NAALADL2: variants seen among roughly 807,000 people sequenced by gnomAD.
NAALADL2 encodes the protein N-acetylated alpha-linked acidic dipeptidase like 2.
In NAALADL2, 76 loss-of-function variants were observed where a neutral mutation model predicts 87.2. That is an observed-to-expected ratio of 0.87 (90% CI 0.72 to 1.05). The LOEUF (loss-of-function observed/expected upper bound fraction) is 1.05. NAALADL2 is among the 50% of genes least tolerant of loss of function. The pLI, the probability that NAALADL2 is intolerant of heterozygous loss-of-function variation, is 0.00. For missense variants in NAALADL2, 1,089 were observed against 945.8 expected, an observed-to-expected ratio of 1.15 and a Z score of -1.99; for synonymous variants, 354 against 331.0, an observed-to-expected ratio of 1.07 and a Z score of -0.75.
chr3:174,983,146 A>G (rs867922783), intron 1 of NAALADL2, among the ~76,000 whole-genome samples: 3 of 152,204 alleles, frequency 2.0e-5, no homozygotes, highest in African/African-American at 7.2e-5. Flanking sequence ...CCACCATCCT[A>G]CACAGGGTCA....
chr3:174,722,641 G>T (rs9847764), intron 2 of NAALADL2, among the ~76,000 whole-genome samples: 6,982 of 152,268 alleles, frequency 0.046, 279 homozygotes, highest in African/African-American at 0.11. Flanking sequence ...GGCGGAGGTT[G>T]CAGTGAGCCG....
intron 1 of NAALADL2, among the ~76,000 whole-genome samples, chr3:174,480,995 G>C (rs1407155890): frequency 6.6e-6 from 1 of 152,070 alleles, no homozygotes; most frequent in Non-Finnish European, 1.5e-5. Context: ...ACTAGAAGAT[G>C]ATACCAATCC....
chr3:174,789,591 A>G (rs1717216078), intron 3 of NAALADL2, among the ~76,000 whole-genome samples: 1 of 152,224 alleles, frequency 6.6e-6, no homozygotes, highest in African/African-American at 2.4e-5. Flanking sequence ...ATTTTAAAAC[A>G]AAAACACAAG....
chr3:174,630,200 T>C (rs552376630), intron 2 of NAALADL2, among the ~76,000 whole-genome samples: 136 of 152,282 alleles, frequency 8.9e-4, no homozygotes, highest in African/African-American at 3.0e-3. Context: ...CATTAAAGCA[T>C]GATTTTCATT....
intron 4 of NAALADL2, among the ~76,000 whole-genome samples, chr3:175,268,804 C>T (rs893994920): frequency 6.6e-5 from 10 of 152,134 alleles, no homozygotes; most frequent in African/African-American, 2.4e-4. Context: ...CTGTCTTCCA[C>T]CTCCATGTCT....
intron 2 of NAALADL2, among the ~76,000 whole-genome samples, chr3:175,152,575 T>C (rs1224310494): frequency 4.6e-5 from 7 of 152,166 alleles, no homozygotes. Flanking sequence ...TGGGGAAATA[T>C]AATATGGATA....
At chr3:175,593,258 A>T (rs1721786080) in intron 10 of NAALADL2, among the ~76,000 whole-genome samples, 1 of 152,150 alleles carries the variant, frequency 6.6e-6, no homozygotes, top group Non-Finnish European at 1.5e-5. Flanking sequence ...AAATAACATA[A>T]TATTTCCTTT....
At chr3:175,062,169 A>T (rs370535653) in intron 1 of NAALADL2, among the ~76,000 whole-genome samples, 3 of 152,152 alleles carry the variant, frequency 2.0e-5, no homozygotes, top group African/African-American at 7.2e-5. Context: ...ATTTAGCATT[A>T]CTATTTGGGT....
chr3:174,851,306 A>G (rs749154148), intron 3 of NAALADL2, among the ~76,000 whole-genome samples: 12 of 151,596 alleles, frequency 7.9e-5, no homozygotes, highest in Non-Finnish European at 1.8e-4. Flanking sequence ...CACAAAAGCA[A>G]GTAAAGAAGG....
chr3:174,660,095 C>T (rs1472338090), intron 2 of NAALADL2, among the ~76,000 whole-genome samples: 1 of 152,010 alleles, frequency 6.6e-6, no homozygotes. Flanking sequence ...TAAGCCACGA[C>T]AAATTTAATA....
chr3:174,576,591 G>T (rs551521438), intron 2 of NAALADL2, among the ~76,000 whole-genome samples: 1 of 152,272 alleles, frequency 6.6e-6, no homozygotes, highest in African/African-American at 2.4e-5. Context: ...TGACAGTGAT[G>T]TTGAACATTT....
At chr3:174,750,854 A>G (rs1443065706) in intron 3 of NAALADL2, among the ~76,000 whole-genome samples, 1 of 152,192 alleles carries the variant, frequency 6.6e-6, no homozygotes, top group East Asian at 1.9e-4. Flanking sequence ...TCTTTCATAT[A>G]TCTCATACAG....
intron 9 of NAALADL2, among the ~76,000 whole-genome samples, chr3:175,473,012 G>C (rs1375592253): frequency 6.6e-6 from 1 of 152,090 alleles, no homozygotes; most frequent in Non-Finnish European, 1.5e-5. Flanking sequence ...GTTTAAAAAT[G>C]TGTCATTTTC....
Position 175,664,213 on chromosome 3 carries a change from C to T in NAALADL2, c.1896+36827C>T, listed in dbSNP as rs115500911. ...GTGTGCTAGATTTAAATAGTCTAGCCTAGTAGAGGTATAGAACTACCCTTT... is the reference window on the plus strand; with the variant it reads ...GTGTGCTAGATTTAAATAGTCTAGCTTAGTAGAGGTATAGAACTACCCTTT... On this transcript the variant is annotated intron_variant, in intron 11 of 13. Transcript: ENST00000454872. Among the ~76,000 whole-genome samples, 240 of 152,050 alleles carry T rather than the reference C, an allele frequency of 1.6e-3. 1 individual carries two copies. Among genetic ancestry groups the T allele is most frequent in the African/African-American group, 5.3e-3 (219 of 41,518 alleles).
intron 9 of NAALADL2, among the ~76,000 whole-genome samples, chr3:175,543,973 G>C (rs1364224288): frequency 6.6e-6 from 1 of 152,286 alleles, no homozygotes; most frequent in East Asian, 1.9e-4. Flanking sequence ...TCTGAAGACA[G>C]AATAGTCCTT....
At chr3:174,605,482 A>G (rs1337613758) in intron 2 of NAALADL2, among the ~76,000 whole-genome samples, 1 of 152,178 alleles carries the variant, frequency 6.6e-6, no homozygotes, top group African/African-American at 2.4e-5. Context: ...CACTTTTCCG[A>G]TGGGCTTAAA....
chr3:175,011,263 GGAGA>G (rs1749752173), intron 1 of NAALADL2, among the ~76,000 whole-genome samples: 1 of 87,972 alleles, frequency 1.1e-5, no homozygotes, highest in Admixed American at 1.2e-4. Context: ...AGAGAGAGAG[GGAGA>G]GAGACAGAGA....
rs769501215 is a variant in NAALADL2, at chr3:175,073,573, GTGT to G, written c.44-23215_44-23213del. 4.6e-5 allele frequency among the ~76,000 whole-genome samples: 7 copies of G among 152,100 alleles called. No homozygotes were observed. The East Asian group carries it at 1.4e-3, about 29-fold the overall frequency. On this transcript the variant is annotated intron_variant, in intron 1 of 13. Coordinates refer to ENST00000454872, the MANE Select transcript of NAALADL2 (RefSeq NM_207015.3). ...TCTGAATTGAAGTGAAAATGTTCGA[GTGT>G]TATTTTTTTAACCTTGTTACTGGCA...
chr3:175,425,679 C>T (rs542117449), intron 5 of NAALADL2, among the ~76,000 whole-genome samples: 2 of 151,862 alleles, frequency 1.3e-5, no homozygotes, highest in African/African-American at 4.8e-5. Flanking sequence ...GGTAAAATTA[C>T]GTCATGTAAC....
Sources: gnomAD v4.1 joint callset for allele counts (sites outside exome capture counted in the v4.1 genomes callset) on GRCh38, gnomAD v4.1.1 for gene constraint, MANE v1.5 for transcripts, NCBI Gene and HGNC (gene_info 2026-07-23, HGNC 2026-07-21) for gene names.